The following CAMTA1 variants were observed in gnomAD, a reference collection of about 807,000 sequenced individuals.
CAMTA1 encodes the protein calmodulin-binding transcription activator 1.
In CAMTA1, 27 loss-of-function variants were observed where a neutral mutation model predicts 170.9. That is an observed-to-expected ratio of 0.16 (90% CI 0.12 to 0.22). The LOEUF (loss-of-function observed/expected upper bound fraction) is 0.22. CAMTA1 is among the 10% of genes least tolerant of loss of function. CAMTA1 has a pLI of 1.00. For missense variants in CAMTA1, 1,619 were observed against 2,217.2 expected, an observed-to-expected ratio of 0.73 and a Z score of 5.42; for synonymous variants, 833 against 891.5, an observed-to-expected ratio of 0.93 and a Z score of 1.17.
chr1:7,191,800 G>A (rs868507433), intron 4 of CAMTA1, among the ~76,000 whole-genome samples: 2 of 152,196 alleles, frequency 1.3e-5, no homozygotes, highest in Non-Finnish European at 2.9e-5. Context: ...CCAGGAATAA[G>A]CTTCCTGAGG....
rs2091587900 is a variant in CAMTA1 at position 7,421,939 on chromosome 1, A to G, written c.439-45891A>G. ...GCTCTGTGTGGCATCTGTGCTGTGCATCTGCAGGTGCCCTCTCGGTGCGCC... is the reference window on the plus strand; with the variant it reads ...GCTCTGTGTGGCATCTGTGCTGTGCGTCTGCAGGTGCCCTCTCGGTGCGCC... On this transcript the variant is annotated intron_variant, in intron 5 of 22. Coordinates refer to ENST00000303635, the MANE Select transcript of CAMTA1 (RefSeq NM_015215.4). Among the ~76,000 whole-genome samples the G allele has an allele frequency of 2.0e-5, 3 of 151,588 alleles. No individual in the cohort carries two copies. The South Asian group carries it at 6.3e-4, about 32-fold the overall frequency.
At chr1:7,153,525 G>C (rs1646695093) in intron 4 of CAMTA1, among the ~76,000 whole-genome samples, 1 of 152,114 alleles carries the variant, frequency 6.6e-6, no homozygotes, top group South Asian at 2.1e-4. Flanking sequence ...TCTGTTTCCT[G>C]CTTCACTGTC....
intron 6 of CAMTA1, among the ~76,000 whole-genome samples, chr1:7,625,497 G>A (rs142081281): frequency 4.6e-5 from 7 of 152,368 alleles, no homozygotes; most frequent in East Asian, 1.9e-4. Context: ...AAGCCAGGCC[G>A]TTCTGTCGCA....
chr1:6,823,961 G>A (rs180949888), intron 2 of CAMTA1, among the ~76,000 whole-genome samples: 2 of 152,006 alleles, frequency 1.3e-5, no homozygotes, highest in Admixed American at 1.3e-4. Flanking sequence ...TGTTGATTTG[G>A]GAAAACTGAA....
At chr1:7,029,596 ATC>A (rs532946853) in intron 3 of CAMTA1, among the ~76,000 whole-genome samples, 37 of 149,282 alleles carry the variant, frequency 2.5e-4, no homozygotes, top group Admixed American at 2.7e-4. Context: ...ATATCAAGAA[ATC>A]TCTCTCTCTC....
At chr1:6,884,336 A>ACACACACACAC (rs1672563290) in intron 3 of CAMTA1, among the ~76,000 whole-genome samples, 2 of 73,074 alleles carry the variant, frequency 2.7e-5, no homozygotes, top group African/African-American at 3.8e-5. Flanking sequence ...ACACACACAC[A>ACACACACACAC]ATTTTGTTTG....
chr1:6,997,978 T>C (rs956245338), intron 3 of CAMTA1, among the ~76,000 whole-genome samples: 1 of 151,924 alleles, frequency 6.6e-6, no homozygotes, highest in African/African-American at 2.4e-5. Context: ...TTATTACAAA[T>C]TTTTTTTCCA....
chr1:7,544,439 G>A (rs563124276), intron 6 of CAMTA1, among the ~76,000 whole-genome samples: 16 of 152,174 alleles, frequency 1.1e-4, no homozygotes, highest in East Asian at 3.9e-4. Context: ...CTTTCCCACC[G>A]GTGTTGAGGA....
intron 4 of CAMTA1, among the ~76,000 whole-genome samples, chr1:7,175,545 C>A (rs192855239): frequency 6.6e-6 from 1 of 152,244 alleles, no homozygotes; most frequent in East Asian, 1.9e-4. Flanking sequence ...AATTAAAGTG[C>A]GGAATCCCAG....
At chr1:7,012,972 G>A (rs748944722) in intron 3 of CAMTA1, among the ~76,000 whole-genome samples, 2 of 152,118 alleles carry the variant, frequency 1.3e-5, no homozygotes, top group Non-Finnish European at 2.9e-5. Context: ...TCTGGCTGCT[G>A]CTTCCCAGTA....
chr1:6,917,368 A>G (rs1357904180), intron 3 of CAMTA1, among the ~76,000 whole-genome samples: 2 of 152,078 alleles, frequency 1.3e-5, no homozygotes, highest in Non-Finnish European at 2.9e-5. Flanking sequence ...AGCTGATGAG[A>G]TATCTGACTT....
At chr1:7,617,079 C>A (rs1289972153) in intron 6 of CAMTA1, among the ~76,000 whole-genome samples, 1 of 152,110 alleles carries the variant, frequency 6.6e-6, no homozygotes, top group African/African-American at 2.4e-5. Flanking sequence ...GCCCTTCCCG[C>A]GGGGGAAATG....
chr1:7,631,424 G>C (rs1204403223), intron 6 of CAMTA1, among the ~76,000 whole-genome samples: 1 of 152,200 alleles, frequency 6.6e-6, no homozygotes, highest in Non-Finnish European at 1.5e-5. Context: ...AGCCCTCAAA[G>C]GCACTCTCCT....
At chr1:7,724,883 A>G (rs1464579309) in intron 11 of CAMTA1, among the ~76,000 whole-genome samples, 3 of 152,028 alleles carry the variant, frequency 2.0e-5, no homozygotes, top group East Asian at 1.9e-4. Flanking sequence ...AAGAAGGGAT[A>G]TGTATATAAA....
intron 5 of CAMTA1, among the ~76,000 whole-genome samples, chr1:7,329,509 A>C (rs1034934439): frequency 6.6e-6 from 1 of 152,178 alleles, no homozygotes; most frequent in African/African-American, 2.4e-5. Context: ...CTTTGCTCTC[A>C]GGCTTTGTTT....
chr1:6,905,022 C>T (rs549643717), intron 3 of CAMTA1, among the ~76,000 whole-genome samples: 1 of 152,168 alleles, frequency 6.6e-6, no homozygotes, highest in African/African-American at 2.4e-5. Context: ...ACGCTTGCCA[C>T]TCTGGGGTCC....
intron 5 of CAMTA1, among the ~76,000 whole-genome samples, chr1:7,281,932 T>C (rs993189080): frequency 6.6e-6 from 1 of 152,028 alleles, no homozygotes; most frequent in East Asian, 1.9e-4. Context: ...CAGAAATCCA[T>C]GTTCCTCCGC....
intron 5 of CAMTA1, among the ~76,000 whole-genome samples, chr1:7,391,833 A>G (rs748222792): frequency 6.6e-6 from 1 of 152,160 alleles, no homozygotes; most frequent in East Asian, 1.9e-4. Flanking sequence ...AGTTGCATGT[A>G]TCAGTACTTC....
intron 1 of CAMTA1, among the ~76,000 whole-genome samples, chr1:6,801,146 C>G (rs1015545532): frequency 1.3e-5 from 2 of 152,188 alleles, no homozygotes; most frequent in African/African-American, 4.8e-5. Context: ...TGACCAAATT[C>G]AAGGCCCAGA....
Sources: allele counts gnomAD v4.1 joint callset (sites outside exome capture counted in the v4.1 genomes callset), GRCh38; gene constraint gnomAD v4.1.1; transcripts MANE v1.5; gene names NCBI Gene and HGNC (gene_info 2026-07-23, HGNC 2026-07-21).